Variants in TMC5 observed in about 807,000 individuals in gnomAD.
The protein encoded by TMC5 is transmembrane channel-like protein 5.
In TMC5, 86 loss-of-function variants were observed where a neutral mutation model predicts 110.5. The ratio of observed to expected loss-of-function variants is 0.78; its 90% CI spans 0.65 to 0.93. The LOEUF (loss-of-function observed/expected upper bound fraction) is 0.93. Among genes scored for constraint, TMC5 ranks in the 40% least tolerant of loss-of-function variants. The pLI is 0.00. For synonymous variants in TMC5, 455 were observed against 439.5 expected (o/e 1.04, Z -0.44); for missense variants, 1,144 against 1,222.8 (o/e 0.94, Z 0.96).
Position 19,463,294 on chromosome 16 carries a change from A to G in TMC5, c.1163A>G (p.Lys388Arg), listed in dbSNP as rs1968075709. ...EKRNLRKIVDKEKSKQTHRIL... is the reference protein window; with the variant it reads ...EKRNLRKIVDREKSKQTHRIL... ...GTTCCCTACAGGAAAATAGTTGACA[A>G]AGAAAAAAGCAAACAGACCCATCGT... Residue 388 changes from lysine to arginine, a missense_variant, in exon 7 of 22, where the codon AAA (lysine) becomes AGA (arginine). Coordinates refer to ENST00000542583, the MANE Select transcript of TMC5 (RefSeq NM_001261841.2). 3.7e-6 allele frequency: 6 copies of G among 1,613,892 alleles called. No individual in the cohort carries two copies. The African/African-American group carries it at 8.0e-5, about 22-fold the overall frequency.
chr16:19,434,223 CTATA>C (rs200234164), intron 2 of TMC5, among the ~76,000 whole-genome samples: 1 of 114,002 alleles, frequency 8.8e-6, no homozygotes, highest in African/African-American at 3.6e-5. Context: ...GTATATATAT[CTATA>C]TATATAATAT....
At position 19,464,013 on chromosome 16, in the gene TMC5, T is replaced by A; in HGVS notation, c.1474T>A (p.Phe492Ile). The A allele has an allele frequency of 6.2e-7, 1 of 1,614,000 alleles. No homozygotes were observed. The highest frequency in any genetic ancestry group is 8.5e-7 in the Non-Finnish European group (1 of 1,179,968). ...NTLQFTGLEF[F>I]TGVGYFRDTV... ...CCTCCAGTTCACTGGGCTGGAGTTT[T>A]TCACTGGGGTGGTAAGTCCTCCACT... Residue 492 changes from phenylalanine to isoleucine, a missense_variant, in exon 8 of 22, where the codon TTC becomes ATC. Physicochemically the swap from Phe to Ile is conservative, Grantham distance 21. Coordinates refer to ENST00000542583, the MANE Select transcript of TMC5 (RefSeq NM_001261841.2).
intron 17 of TMC5, 30 bp downstream of exon 17, chr16:19,487,356 T>C (rs375454084): frequency 1.2e-6 from 2 of 1,604,532 alleles, no homozygotes; most frequent in African/African-American, 2.7e-5. Flanking sequence ...GGGGAGGTTT[T>C]AGAGACTGGG....
intron 8 of TMC5, among the ~76,000 whole-genome samples, chr16:19,464,957 G>A (rs1309556184): frequency 7.6e-6 from 1 of 130,814 alleles, no homozygotes; most frequent in Non-Finnish European, 1.7e-5. Context: ...GGATAGGATT[G>A]TACTATAAGC....
chr16:19,459,310 T>C (rs796686031), intron 5 of TMC5, among the ~76,000 whole-genome samples: 43 of 151,990 alleles, frequency 2.8e-4, no homozygotes, highest in African/African-American at 1.0e-3. Context: ...AAGGAGGAAA[T>C]GAATTTGGGG....
intron 2 of TMC5, among the ~76,000 whole-genome samples, chr16:19,439,716 G>A (rs138464088): frequency 7.6e-4 from 115 of 152,264 alleles, no homozygotes; most frequent in Middle Eastern, 3.4e-3. Flanking sequence ...GAGAAAGGGA[G>A]AAATAACCTC....
chr16:19,419,391 T>C (rs903661320), intron 1 of TMC5, among the ~76,000 whole-genome samples: 1 of 147,432 alleles, frequency 6.8e-6, no homozygotes, highest in African/African-American at 2.5e-5. Context: ...TCAGTGGAAA[T>C]GAATGTGTTG....
At chr16:19,453,866 C>T (rs940884123) in intron 5 of TMC5, among the ~76,000 whole-genome samples, 4 of 152,122 alleles carry the variant, frequency 2.6e-5, no homozygotes, top group Non-Finnish European at 5.9e-5. Context: ...ACATAGTGTG[C>T]GTGCTTATAT....
At chr16:19,427,946 A>G (rs146437688) in intron 1 of TMC5, among the ~76,000 whole-genome samples, 6 of 152,348 alleles carry the variant, frequency 3.9e-5, no homozygotes, top group South Asian at 2.1e-4. Context: ...CTGCGATTCA[A>G]TTGCATCGAC....
intron 1 of TMC5, among the ~76,000 whole-genome samples, chr16:19,426,572 C>T (rs980227014): frequency 2.0e-5 from 3 of 152,116 alleles, no homozygotes; most frequent in Non-Finnish European, 4.4e-5. Context: ...AGGATGTGCA[C>T]CTTGACTTGT....
At chr16:19,468,500 C>T (rs1968243940) in intron 9 of TMC5, among the ~76,000 whole-genome samples, 1 of 152,148 alleles carries the variant, frequency 6.6e-6, no homozygotes, top group Non-Finnish European at 1.5e-5. Flanking sequence ...AGTCTACATC[C>T]TAATCCCCAG....
At chr16:19,487,170 G>T in intron 16 of TMC5, 23 bp from the exon 17 acceptor site, 2 of 1,606,808 alleles carry the variant, frequency 1.2e-6, no homozygotes, top group Non-Finnish European at 1.7e-6. Flanking sequence ...GCAGATGGGA[G>T]GTGGCTGCCT....
intron 10 of TMC5, among the ~76,000 whole-genome samples, chr16:19,470,068 G>C (rs897161465): frequency 6.6e-6 from 1 of 150,548 alleles, no homozygotes; most frequent in African/African-American, 2.4e-5. Flanking sequence ...CTAATTTTTT[G>C]TATTTTTAGT....
intron 15 of TMC5, among the ~76,000 whole-genome samples, chr16:19,482,343 A>G (rs1200295759): frequency 6.6e-6 from 1 of 152,196 alleles, no homozygotes; most frequent in African/African-American, 2.4e-5. Context: ...TACAAGCATG[A>G]GCCACCACAC....
chr16:19,468,911 G>A (rs2143623096), intron 9 of TMC5, among the ~76,000 whole-genome samples: 1 of 152,292 alleles, frequency 6.6e-6, no homozygotes, highest in East Asian at 1.9e-4. Flanking sequence ...AGGATGGCTT[G>A]AGCCCAGGAG....
At chr16:19,467,079 G>A (rs1422656520) in intron 9 of TMC5, among the ~76,000 whole-genome samples, 3 of 152,148 alleles carry the variant, frequency 2.0e-5, no homozygotes, top group Admixed American at 2.0e-4. Context: ...CCATTAGGTC[G>A]AGGCTGCAGT....
chr16:19,490,121 C>G (rs573153291), intron 17 of TMC5, among the ~76,000 whole-genome samples: 258 of 152,190 alleles, frequency 1.7e-3, no homozygotes, highest in African/African-American at 5.4e-3. Context: ...TCTGACTGCC[C>G]CCATTCATAT....
chr16:19,486,804 G>A (rs1017596174), intron 15 of TMC5, 141 bp from the exon 16 acceptor site: 2 of 680,238 alleles, frequency 2.9e-6, no homozygotes, highest in Admixed American at 2.6e-5. Context: ...GATATTCGGG[G>A]TTAAGGCCTC....
At chr16:19,423,749 T>TATG (rs941116795) in intron 1 of TMC5, among the ~76,000 whole-genome samples, 2 of 151,504 alleles carry the variant, frequency 1.3e-5, no homozygotes, top group African/African-American at 2.4e-5. Flanking sequence ...ATTTTATTGT[T>TATG]ATTATTATTA....
Sources: gnomAD v4.1 joint callset for allele counts (sites outside exome capture counted in the v4.1 genomes callset) on GRCh38, gnomAD v4.1.1 for gene constraint, MANE v1.5 for transcripts, NCBI Gene and HGNC (gene_info 2026-07-23, HGNC 2026-07-21) for gene names.